The following NEBL variants were observed in gnomAD, a reference collection of about 807,000 sequenced individuals.
NEBL encodes nebulette.
NEBL carries 122 observed loss-of-function variants against 140.2 expected under a neutral mutation model. That is an observed-to-expected ratio of 0.87 (90% CI 0.75 to 1.01). NEBL has a LOEUF of 1.01. Ranked by LOEUF, NEBL falls within the 50% of genes least tolerant of loss-of-function variation. The pLI, the probability that NEBL is intolerant of heterozygous loss-of-function variation, is 0.00. For synonymous variants in NEBL, 436 were observed against 398.9 expected (o/e 1.09, Z -1.11); for missense variants, 1,365 against 1,231.3 (o/e 1.11, Z -1.62).
At chr10:20,998,206 G>T (rs1837747532) in intron 3 of NEBL, among the ~76,000 whole-genome samples, 1 of 152,148 alleles carries the variant, frequency 6.6e-6, no homozygotes, top group Non-Finnish European at 1.5e-5. Context: ...AGGCTTTGGA[G>T]TCGGAAAGTC....
chr10:21,029,994 C>T, intron 2 of NEBL: 1 of 494,858 alleles, frequency 2.0e-6, no homozygotes, highest in Non-Finnish European at 3.9e-6. Flanking sequence ...CCCCGTCCCC[C>T]TCAAAGACCC....
chr10:21,097,675 C>T (rs1837255898), intron 2 of NEBL, among the ~76,000 whole-genome samples: 1 of 152,042 alleles, frequency 6.6e-6, no homozygotes, highest in African/African-American at 2.4e-5. Context: ...TGAAAGAAGT[C>T]CAAGAGAAGT....
At chr10:21,287,423 C>G (rs1047038141) in intron 1 of NEBL, among the ~76,000 whole-genome samples, 2 of 152,096 alleles carry the variant, frequency 1.3e-5, no homozygotes, top group Non-Finnish European at 2.9e-5. Context: ...ATAGTCCTAG[C>G]TACTTGGGAG....
intron 3 of NEBL, among the ~76,000 whole-genome samples, chr10:20,994,842 C>T (rs1837602346): frequency 6.6e-6 from 1 of 152,036 alleles, no homozygotes; most frequent in Non-Finnish European, 1.5e-5. Flanking sequence ...GGTCTTCATC[C>T]TCATTGTCTT....
At chr10:21,145,512 G>A (rs1161571757) in intron 2 of NEBL, among the ~76,000 whole-genome samples, 2 of 152,138 alleles carry the variant, frequency 1.3e-5, no homozygotes, top group Non-Finnish European at 2.9e-5. Flanking sequence ...GGAACCACTC[G>A]GTAAGTATCT....
chr10:21,155,748 G>A (rs1026255225), intron 2 of NEBL, among the ~76,000 whole-genome samples: 1 of 152,214 alleles, frequency 6.6e-6, no homozygotes, highest in Admixed American at 6.5e-5. Flanking sequence ...TGGTTCCAGA[G>A]AGAAAACTGA....
At chr10:21,178,115 G>A (rs1019317187), upstream of NEBL, among the ~76,000 whole-genome samples, 2 of 152,164 alleles carry the variant, frequency 1.3e-5, no homozygotes, top group African/African-American at 4.8e-5. Context: ...ACCTAATGAA[G>A]CATTTCTCCA....
intron 9 of NEBL, among the ~76,000 whole-genome samples, chr10:20,854,858 C>T (rs921008670): frequency 2.0e-5 from 3 of 152,106 alleles, no homozygotes; most frequent in African/African-American, 7.2e-5. Flanking sequence ...AGCTACTGCA[C>T]CTAGCCCACA....
At chr10:21,019,871 G>A (rs1237632871) in intron 3 of NEBL, among the ~76,000 whole-genome samples, 1 of 152,208 alleles carries the variant, frequency 6.6e-6, no homozygotes, top group Admixed American at 6.5e-5. Flanking sequence ...CATTGACTCT[G>A]ACCGGAACTC....
intron 4 of NEBL, among the ~76,000 whole-genome samples, chr10:20,960,293 T>C (rs909607275): frequency 6.6e-6 from 1 of 152,132 alleles, no homozygotes; most frequent in Non-Finnish European, 1.5e-5. Context: ...TAATAGATCA[T>C]TGATTTGCAT....
intron 2 of NEBL, among the ~76,000 whole-genome samples, chr10:21,109,556 A>C (rs1274597615): frequency 2.0e-5 from 3 of 152,140 alleles, no homozygotes; most frequent in Non-Finnish European, 4.4e-5. Context: ...ATTGATTGGA[A>C]TGGTTTCAGA....
At chr10:20,865,387 G>C (rs1844171116) in intron 7 of NEBL, among the ~76,000 whole-genome samples, 1 of 152,088 alleles carries the variant, frequency 6.6e-6, no homozygotes, top group South Asian at 2.1e-4. Flanking sequence ...TTTTACAAAT[G>C]AGGAAACAAA....
rs183862365 is a variant in NEBL at position 20,833,709 on chromosome 10, T to C, written c.1449+1804A>G. ...AGGCAGAGCTTGCAGTGAGCCGAGATTGCACCACTGCACTCCAGCCTGGGC... is the reference window on the plus strand; with the variant it reads ...AGGCAGAGCTTGCAGTGAGCCGAGACTGCACCACTGCACTCCAGCCTGGGC... On this transcript the variant is annotated intron_variant, in intron 14 of 27. Transcript: ENST00000377122. 1.8e-3 allele frequency among the ~76,000 whole-genome samples: 270 copies of C among 151,286 alleles called. 1 individual carries two copies. Among genetic ancestry groups the C allele is most frequent in the African/African-American group, 6.3e-3 (261 of 41,196 alleles).
At chr10:20,989,547 A>T (rs774650335) in intron 3 of NEBL, among the ~76,000 whole-genome samples, 12 of 152,198 alleles carry the variant, frequency 7.9e-5, no homozygotes, top group Non-Finnish European at 1.6e-4. Context: ...AGAAACCATA[A>T]ATTTATGAAG....
At chr10:21,064,648 G>A (rs1835452406) in intron 2 of NEBL, among the ~76,000 whole-genome samples, 1 of 152,126 alleles carries the variant, frequency 6.6e-6, no homozygotes, top group Non-Finnish European at 1.5e-5. Flanking sequence ...GTCAGGAGAT[G>A]CATTTCTAAT....
At chr10:21,055,532 T>G (rs1834979380) in intron 2 of NEBL, among the ~76,000 whole-genome samples, 1 of 152,146 alleles carries the variant, frequency 6.6e-6, no homozygotes, top group Admixed American at 6.6e-5. Flanking sequence ...AAGGTTACCA[T>G]TCTGCATGTA....
intron 4 of NEBL, among the ~76,000 whole-genome samples, chr10:20,915,116 T>C (rs2131477320): frequency 6.6e-6 from 1 of 151,946 alleles, no homozygotes; most frequent in Non-Finnish European, 1.5e-5. Context: ...ATATATTTTC[T>C]CAGTAAAAGT....
At chr10:21,258,036 T>C (rs1460963529) in intron 1 of NEBL, among the ~76,000 whole-genome samples, 2 of 152,232 alleles carry the variant, frequency 1.3e-5, no homozygotes, top group Non-Finnish European at 2.9e-5. Context: ...TGTGTTGTAT[T>C]TTGTTTGGAA....
intron 3 of NEBL, among the ~76,000 whole-genome samples, chr10:20,984,860 G>A (rs867750919): frequency 7.2e-5 from 11 of 152,046 alleles, no homozygotes; most frequent in African/African-American, 2.4e-4. Context: ...TCCCATTATC[G>A]CCTGAGCTCC....
Sources: gnomAD v4.1 joint callset for allele counts (sites outside exome capture counted in the v4.1 genomes callset) on GRCh38, gnomAD v4.1.1 for gene constraint, MANE v1.5 for transcripts, NCBI Gene and HGNC (gene_info 2026-07-23, HGNC 2026-07-21) for gene names.